SYNJ2: variants seen among roughly 807,000 people sequenced by gnomAD.
SYNJ2 encodes the protein polyphosphatidylinositol phosphatase SYNJ2.
A neutral mutation model predicts 141.3 loss-of-function variants in SYNJ2; 116 were observed. That is an observed-to-expected ratio of 0.82 (90% confidence interval 0.71 to 0.96). SYNJ2 has a LOEUF of 0.96. Ranked by LOEUF, SYNJ2 falls within the 40% of genes least tolerant of loss-of-function variation. The pLI, the probability that SYNJ2 is intolerant of heterozygous loss-of-function variation, is 0.00. For missense variants in SYNJ2, 1,873 were observed against 1,934.8 expected, an observed-to-expected ratio of 0.97 and a Z score of 0.60; for synonymous variants, 745 against 777.7, an observed-to-expected ratio of 0.96 and a Z score of 0.70.
At chr6:158,067,020 T>C (rs1439216799) in intron 12 of SYNJ2, among the ~76,000 whole-genome samples, 1 of 152,044 alleles carries the variant, frequency 6.6e-6, no homozygotes, top group Non-Finnish European at 1.5e-5. Flanking sequence ...TTTTGTTTTG[T>C]TGTTGTTTGT....
chr6:157,992,025 T>C lies in SYNJ2; in HGVS notation c.127+9937T>C, dbSNP rs190476254. On this transcript the variant is annotated intron_variant, in intron 1 of 26. Coordinates refer to ENST00000355585, the MANE Select transcript of SYNJ2 (RefSeq NM_003898.4). Reference sequence around the variant, plus strand: ...GGTACATAGTAGGTATATATATTTATGGGATACATGAGATATTTTGATACA... The same window carrying C: ...GGTACATAGTAGGTATATATATTTACGGGATACATGAGATATTTTGATACA... 3.9e-5 allele frequency among the ~76,000 whole-genome samples: 6 copies of C among 152,346 alleles called. 1 individual carries two copies. In the East Asian group the frequency reaches 1.2e-3, roughly 29 times the overall value.
chr6:158,047,967 G>A (rs534833564), intron 5 of SYNJ2, among the ~76,000 whole-genome samples: 2 of 152,088 alleles, frequency 1.3e-5, no homozygotes, highest in African/African-American at 4.8e-5. Flanking sequence ...CTGTCTTTGT[G>A]GGAACAGGGA....
At chr6:157,989,750 ACAAGGCCC>A (rs1035872920) in intron 1 of SYNJ2, among the ~76,000 whole-genome samples, 7 of 152,258 alleles carry the variant, frequency 4.6e-5, no homozygotes, top group Admixed American at 4.6e-4. Context: ...AAAGGATGCT[ACAAGGCCC>A]CAGGCTTCTC....
chr6:157,999,288 A>T (rs568210451), intron 1 of SYNJ2, among the ~76,000 whole-genome samples: 3 of 152,278 alleles, frequency 2.0e-5, no homozygotes, highest in African/African-American at 7.2e-5. Flanking sequence ...CTCTCTTGCC[A>T]TCTCCCCCTG....
At position 158,027,209 on chromosome 6, in the gene SYNJ2, G is replaced by A. The variant is rs1204415208; in HGVS notation, c.215-1547G>A. ...GAGGGTGGTGGAACTGGTTGTTTTG[G>A]GGGTCTCTTCCTGGAGTGTGGAGAG... On this transcript the variant is annotated intron_variant, in intron 2 of 26. Coordinates refer to ENST00000355585, the MANE Select transcript of SYNJ2 (RefSeq NM_003898.4). The surrounding 1 kb of genome is among the most constrained non-coding windows in gnomAD (Gnocchi z 4.6). The A allele has an allele frequency of 3.4e-5, 33 of 979,658 alleles. No homozygotes were observed. The highest frequency in any genetic ancestry group is 4.0e-5 in the Non-Finnish European group (33 of 829,620). The allele number at this position is 979,658 out of a possible 1,614,324, so 60.7% of individuals were successfully genotyped here. A position where few individuals can be genotyped will look rare whatever the true frequency, so the allele number is the denominator to read the frequency against.
chr6:158,087,874 T>A (rs1336820190), intron 23 of SYNJ2, among the ~76,000 whole-genome samples: 4 of 142,534 alleles, frequency 2.8e-5, no homozygotes, highest in African/African-American at 1.1e-4. Flanking sequence ...GCAACATACT[T>A]CTTTTTTTTT....
intron 19 of SYNJ2, 47 bp downstream of exon 19, chr6:158,081,374 G>A (rs1413293639): frequency 6.2e-7 from 1 of 1,613,204 alleles, no homozygotes; most frequent in African/African-American, 1.3e-5. Context: ...TGTCGATGAG[G>A]ATCCGTGAGA....
chr6:157,988,227 T>C (rs2128313912), intron 1 of SYNJ2, among the ~76,000 whole-genome samples: 1 of 152,308 alleles, frequency 6.6e-6, no homozygotes, highest in East Asian at 1.9e-4. Context: ...GCTGGGACTC[T>C]GTGTGTGTAT....
chr6:158,032,230 G>C (rs1452993687), intron 3 of SYNJ2, among the ~76,000 whole-genome samples: 5 of 152,176 alleles, frequency 3.3e-5, no homozygotes, highest in Non-Finnish European at 7.3e-5. Flanking sequence ...AGTCGGGGAG[G>C]CTGGCCTGAG....
chr6:158,037,952 T>C (rs1481094156), intron 4 of SYNJ2, among the ~76,000 whole-genome samples: 1 of 152,268 alleles, frequency 6.6e-6, no homozygotes, highest in Non-Finnish European at 1.5e-5. Flanking sequence ...AGGCTGGGCC[T>C]TGGCTCTGGC....
chr6:158,081,781 C>T (rs2128389271), intron 20 of SYNJ2, among the ~76,000 whole-genome samples: 1 of 152,012 alleles, frequency 6.6e-6, no homozygotes, highest in South Asian at 2.1e-4. Flanking sequence ...GCCACCACAC[C>T]CAGCTAATTT....
At chr6:158,092,737 CCTG>C (rs1349309128) in intron 25 of SYNJ2, among the ~76,000 whole-genome samples, 186 bp from the exon 26 acceptor site, 2 of 152,044 alleles carry the variant, frequency 1.3e-5, no homozygotes, top group African/African-American at 4.8e-5. Context: ...TGCACTCCGG[CCTG>C]GGTGGCAGAG....
At chr6:158,026,799 G>A in intron 2 of SYNJ2, 1 of 984,502 alleles carries the variant, frequency 1.0e-6, no homozygotes, top group Non-Finnish European at 1.2e-6. Flanking sequence ...CACTTCTGCT[G>A]AACTGTGCTT....
rs748213088 is a variant in SYNJ2 at position 158,097,517 on chromosome 6, G to A, written c.*1153G>A. Reference sequence around the variant, plus strand: ...CATTTGGAGCAGATACCGTGTTTTCGCTATTTAATAAGAAGTTCAGTAGTG... The same window carrying A: ...CATTTGGAGCAGATACCGTGTTTTCACTATTTAATAAGAAGTTCAGTAGTG... On this transcript the variant is annotated 3_prime_UTR_variant, in exon 27 of 27. Transcript: ENST00000355585. 6.6e-6 allele frequency: 1 copy of A among 152,144 alleles called. No individual in the cohort carries two copies. The highest frequency in any genetic ancestry group is 1.5e-5 in the Non-Finnish European group (1 of 68,030). 9.4% of individuals were successfully genotyped at this position (152,144 alleles called of 1,614,324 possible).
rs368097472 is a variant in SYNJ2, at chr6:158,093,659, G to C, written c.3744+555G>C. 1.2e-4 allele frequency among the ~76,000 whole-genome samples: 18 copies of C among 152,258 alleles called. No individual in the cohort carries two copies. The South Asian group carries it at 3.5e-3, about 30-fold the overall frequency. On this transcript the variant is annotated intron_variant, in intron 26 of 26. Transcript: ENST00000355585. ...TTGTCAGTGTGACAAGAACAGCTTG[G>C]AGGTATTATGCTTCCTAAGTGTTTT...
intron 1 of SYNJ2, among the ~76,000 whole-genome samples, chr6:158,016,136 C>G (rs1778444459): frequency 6.6e-6 from 1 of 152,152 alleles, no homozygotes; most frequent in Non-Finnish European, 1.5e-5. Context: ...GTTTTTGAGA[C>G]AGAGTCTCAC....
intron 4 of SYNJ2, among the ~76,000 whole-genome samples, chr6:158,036,625 G>A (rs756717213): frequency 6.6e-6 from 1 of 152,180 alleles, no homozygotes; most frequent in African/African-American, 2.4e-5. Context: ...GAGGGTGGAG[G>A]ATGGAGGGTA....
intron 2 of SYNJ2, among the ~76,000 whole-genome samples, chr6:158,019,698 C>T (rs1778658229): frequency 6.6e-6 from 1 of 152,210 alleles, no homozygotes; most frequent in African/African-American, 2.4e-5. Flanking sequence ...TTTGGGTGCC[C>T]CCAACCCCTG....
At chr6:158,079,526 C>T (rs886465337) in intron 18 of SYNJ2, among the ~76,000 whole-genome samples, 7 of 152,034 alleles carry the variant, frequency 4.6e-5, no homozygotes, top group African/African-American at 7.2e-5. Flanking sequence ...GCGTGCATCA[C>T]CATGCCCGGC....
Sources: gnomAD v4.1 joint callset for allele counts (sites outside exome capture counted in the v4.1 genomes callset) on GRCh38, gnomAD v4.1.1 for gene constraint, Gnocchi (gnomAD v3.1) non-coding constraint, MANE v1.5 for transcripts, NCBI Gene and HGNC (gene_info 2026-07-23, HGNC 2026-07-21) for gene names.